The following PTPRD variants were observed in gnomAD, a reference collection of about 807,000 sequenced individuals.
PTPRD encodes the protein receptor-type tyrosine-protein phosphatase delta.
In PTPRD, 34 loss-of-function variants were observed where a neutral mutation model predicts 214.5. That is an observed-to-expected ratio of 0.16 (90% CI 0.12 to 0.21). PTPRD has a LOEUF of 0.21. PTPRD is among the 10% of genes least tolerant of loss of function. PTPRD has a pLI of 1.00. For synonymous variants in PTPRD, 1,128 were observed against 845.7 expected, an observed-to-expected ratio of 1.33 and a Z score of -5.79; for missense variants, 2,545 against 2,398.7, an observed-to-expected ratio of 1.06 and a Z score of -1.27.
At chr9:10,304,520 CT>C (rs750793594) in intron 3 of PTPRD, among the ~76,000 whole-genome samples, 1 of 152,150 alleles carries the variant, frequency 6.6e-6, no homozygotes, top group Non-Finnish European at 1.5e-5. Context: ...ACCCCATCGT[CT>C]CAGCCCTATA....
chr9:8,329,678 G>GTGAT (rs1471225399), intron 44 of PTPRD, among the ~76,000 whole-genome samples: 4 of 152,152 alleles, frequency 2.6e-5, no homozygotes, highest in Non-Finnish European at 2.9e-5. Context: ...AAGTAAGTCT[G>GTGAT]TGATTGGGGC....
At chr9:9,478,016 C>T (rs957599017) in intron 8 of PTPRD, among the ~76,000 whole-genome samples, 1 of 152,144 alleles carries the variant, frequency 6.6e-6, no homozygotes, top group South Asian at 2.1e-4. Flanking sequence ...GAAAATATTA[C>T]ATTTACATTT....
chr9:8,727,519 A>T, intron 12 of PTPRD, among the ~76,000 whole-genome samples: 1 of 152,246 alleles, frequency 6.6e-6, no homozygotes, highest in East Asian at 1.9e-4. Context: ...ATGAAGGCTG[A>T]TAAACATGGC....
At chr9:10,156,661 G>C (rs944058313) in intron 3 of PTPRD, among the ~76,000 whole-genome samples, 1 of 151,726 alleles carries the variant, frequency 6.6e-6, no homozygotes, top group Non-Finnish European at 1.5e-5. Context: ...ATTTGTTTCA[G>C]TGCTGAGTTC....
At chr9:8,879,003 G>A (rs1340106547) in intron 11 of PTPRD, among the ~76,000 whole-genome samples, 3 of 152,182 alleles carry the variant, frequency 2.0e-5, no homozygotes, top group South Asian at 2.1e-4. Flanking sequence ...TCAGTAACAT[G>A]AACTTTTACT....
chr9:8,854,185 C>T (rs1002348344), intron 11 of PTPRD, among the ~76,000 whole-genome samples: 2 of 152,098 alleles, frequency 1.3e-5, no homozygotes, highest in African/African-American at 2.4e-5. Context: ...TGATTAAAGG[C>T]TTTCTGCATA....
At chr9:9,067,291 A>G (rs1299771094) in intron 10 of PTPRD, among the ~76,000 whole-genome samples, 2 of 152,194 alleles carry the variant, frequency 1.3e-5, no homozygotes, top group Non-Finnish European at 1.5e-5. Flanking sequence ...AGAATTTTCA[A>G]CTGTATTTTT....
At chr9:8,445,588 T>C (rs2095692959) in intron 34 of PTPRD, among the ~76,000 whole-genome samples, 1 of 152,186 alleles carries the variant, frequency 6.6e-6, no homozygotes, top group African/African-American at 2.4e-5. Flanking sequence ...AACACATCAC[T>C]TAAGTAATAG....
chr9:8,672,118 T>G (rs2097299712), intron 12 of PTPRD, among the ~76,000 whole-genome samples: 1 of 152,228 alleles, frequency 6.6e-6, no homozygotes, highest in Admixed American at 6.5e-5. Context: ...GGTTGTTTAC[T>G]GTTCATGTTC....
intron 3 of PTPRD, among the ~76,000 whole-genome samples, chr9:10,165,839 G>A (rs772625863): frequency 1.3e-5 from 2 of 150,702 alleles, no homozygotes; most frequent in African/African-American, 4.8e-5. Flanking sequence ...TGTATTTGTA[G>A]AAATCTGAAA....
chr9:10,556,351 G>A (rs530037276), intron 2 of PTPRD, among the ~76,000 whole-genome samples: 23 of 151,868 alleles, frequency 1.5e-4, no homozygotes, highest in African/African-American at 4.6e-4. Flanking sequence ...AAACATGGAA[G>A]GAGATATGCT....
intron 9 of PTPRD, among the ~76,000 whole-genome samples, chr9:9,283,696 A>C (rs1237789662): frequency 6.6e-6 from 1 of 151,616 alleles, no homozygotes; most frequent in South Asian, 2.1e-4. Context: ...TGGGGCTGGA[A>C]AAAAAATAAA....
intron 12 of PTPRD, among the ~76,000 whole-genome samples, chr9:8,692,109 T>G (rs1299794975): frequency 6.6e-6 from 1 of 152,144 alleles, no homozygotes; most frequent in Admixed American, 6.6e-5. Flanking sequence ...TCAAACAGCT[T>G]TGCATTAATT....
chr9:9,535,103 T>A (rs1449415123), intron 8 of PTPRD, among the ~76,000 whole-genome samples: 2 of 152,094 alleles, frequency 1.3e-5, no homozygotes, highest in African/African-American at 4.8e-5. Context: ...GTGGCTAATT[T>A]GCACACCTGC....
At chr9:8,696,849 T>G (rs1022377401) in intron 12 of PTPRD, among the ~76,000 whole-genome samples, 7 of 152,220 alleles carry the variant, frequency 4.6e-5, no homozygotes, top group Non-Finnish European at 8.8e-5. Context: ...GTAAAAACCG[T>G]TCCCTTTCTT....
At chr9:10,575,778 C>T (rs2069089774) in intron 2 of PTPRD, among the ~76,000 whole-genome samples, 2 of 152,030 alleles carry the variant, frequency 1.3e-5, no homozygotes, top group African/African-American at 2.4e-5. Context: ...CTCTCTTCCC[C>T]ACATATTTTT....
intron 10 of PTPRD, among the ~76,000 whole-genome samples, chr9:9,044,383 A>T (rs994301051): frequency 6.6e-6 from 1 of 152,218 alleles, no homozygotes; most frequent in Non-Finnish European, 1.5e-5. Context: ...ATCTGCTACA[A>T]ATATTTAAAC....
At chr9:9,488,318 T>G (rs1167231335) in intron 8 of PTPRD, among the ~76,000 whole-genome samples, 3 of 152,164 alleles carry the variant, frequency 2.0e-5, no homozygotes, top group African/African-American at 2.4e-5. Context: ...GTATTAGTGG[T>G]CTACAATTTC....
chr9:9,352,690 T>C (rs1432677032), intron 9 of PTPRD, among the ~76,000 whole-genome samples: 1 of 151,910 alleles, frequency 6.6e-6, no homozygotes, highest in Non-Finnish European at 1.5e-5. Context: ...GCATGACGAA[T>C]TAATGATAAC....
Sources: allele counts gnomAD v4.1 joint callset (sites outside exome capture counted in the v4.1 genomes callset), GRCh38; gene constraint gnomAD v4.1.1; transcripts MANE v1.5; gene names NCBI Gene and HGNC (gene_info 2026-07-23, HGNC 2026-07-21).